PTPRD: variants seen among roughly 807,000 people sequenced by gnomAD.
The protein encoded by PTPRD is protein tyrosine phosphatase receptor type D, also known as receptor-type tyrosine-protein phosphatase delta.
Under a neutral mutation model 214.5 loss-of-function variants are expected in PTPRD, and 34 were observed. That is an observed-to-expected ratio of 0.16 (90% CI 0.12 to 0.21). PTPRD has a LOEUF of 0.21. Among genes scored for constraint, PTPRD ranks in the 10% least tolerant of loss-of-function variants. PTPRD has a pLI of 1.00. For missense variants in PTPRD, 2,545 were observed against 2,398.7 expected (o/e 1.06, Z -1.27); for synonymous variants, 1,128 against 845.7 (o/e 1.33, Z -5.79).
chr9:8,809,045 T>C (rs1260240999), intron 11 of PTPRD, among the ~76,000 whole-genome samples: 2 of 152,082 alleles, frequency 1.3e-5, no homozygotes. Flanking sequence ...CCAGTGAAAC[T>C]AACTAAGACC....
At chr9:9,178,576 G>A (rs2099926316) in intron 10 of PTPRD, among the ~76,000 whole-genome samples, 1 of 152,016 alleles carries the variant, frequency 6.6e-6, no homozygotes, top group Non-Finnish European at 1.5e-5. Flanking sequence ...CTCTGACCAT[G>A]TAAGTGTAGA....
intron 5 of PTPRD, among the ~76,000 whole-genome samples, chr9:9,820,285 T>A (rs2050248662): frequency 6.6e-6 from 1 of 152,184 alleles, no homozygotes; most frequent in African/African-American, 2.4e-5. Flanking sequence ...TCATATGTCT[T>A]CTTTTAAAAA....
At chr9:10,415,550 T>C (rs1378044259) in intron 2 of PTPRD, among the ~76,000 whole-genome samples, 7 of 151,904 alleles carry the variant, frequency 4.6e-5, no homozygotes, top group Admixed American at 1.3e-4. Flanking sequence ...TGTTCCTTTG[T>C]TTGATTAATT....
chr9:8,709,038 C>G (rs2098269959), intron 12 of PTPRD, among the ~76,000 whole-genome samples: 1 of 151,914 alleles, frequency 6.6e-6, no homozygotes, highest in Admixed American at 6.6e-5. Flanking sequence ...TATATGGGAT[C>G]TGAAAAACTG....
intron 4 of PTPRD, among the ~76,000 whole-genome samples, chr9:10,005,806 A>G (rs1471079799): frequency 2.0e-5 from 3 of 152,106 alleles, no homozygotes; most frequent in African/African-American, 7.2e-5. Context: ...ACAATCTGAA[A>G]TGCACACAAA....
At chr9:9,605,261 A>ACAC in intron 7 of PTPRD, among the ~76,000 whole-genome samples, 1 of 152,186 alleles carries the variant, frequency 6.6e-6, no homozygotes, top group South Asian at 2.1e-4. Context: ...TGTACCTAAT[A>ACAC]TGTATAAAGC....
At chr9:8,487,291 T>C (rs1031040241) in intron 27 of PTPRD, among the ~76,000 whole-genome samples, 8 of 152,220 alleles carry the variant, frequency 5.3e-5, no homozygotes, top group Non-Finnish European at 4.4e-5. Flanking sequence ...ACCTTTAAGT[T>C]AGATATGTGA....
intron 36 of PTPRD, among the ~76,000 whole-genome samples, chr9:8,391,858 A>T (rs2089692836): frequency 6.6e-6 from 1 of 152,186 alleles, no homozygotes; most frequent in Admixed American, 6.6e-5. Flanking sequence ...TCCTAAAGAC[A>T]GGGAATCAGA....
intron 5 of PTPRD, among the ~76,000 whole-genome samples, chr9:9,836,974 A>G (rs1184414855): frequency 2.0e-5 from 3 of 152,204 alleles, no homozygotes; most frequent in Non-Finnish European, 2.9e-5. Context: ...AGCCTCACCT[A>G]TGTGTGGTAT....
intron 12 of PTPRD, among the ~76,000 whole-genome samples, chr9:8,638,713 A>G (rs1056878412): frequency 3.3e-5 from 5 of 152,204 alleles, no homozygotes; most frequent in African/African-American, 4.8e-5. Flanking sequence ...CAAAAATATT[A>G]AGAAAGCAAA....
intron 4 of PTPRD, among the ~76,000 whole-genome samples, chr9:9,960,720 A>G (rs192587025): frequency 6.6e-6 from 1 of 152,316 alleles, no homozygotes; most frequent in South Asian, 2.1e-4. Context: ...AACAATAAGG[A>G]AAGTCAGAAA....
chr9:8,330,225 A>AATGAGATG (rs913607576), intron 44 of PTPRD, among the ~76,000 whole-genome samples: 1 of 152,086 alleles, frequency 6.6e-6, no homozygotes, highest in Non-Finnish European at 1.5e-5. Context: ...AACCAGTCCC[A>AATGAGATG]ATGAGATGAA....
At chr9:8,698,732 C>A (rs3817210) in intron 12 of PTPRD, among the ~76,000 whole-genome samples, 41,806 of 151,740 alleles carry the variant, frequency 0.28, 6,216 homozygotes, top group African/African-American at 0.39. Context: ...AATACTCCGG[C>A]ATAATACAGA....
intron 4 of PTPRD, among the ~76,000 whole-genome samples, chr9:9,970,358 G>T (rs757253226): frequency 7.3e-5 from 11 of 149,838 alleles, no homozygotes; most frequent in Non-Finnish European, 1.2e-4. Context: ...GCTGAGGCAG[G>T]AGAATGGCGT....
At position 9,528,518 on chromosome 9, in the gene PTPRD, A is replaced by T. The variant is rs540736270; in HGVS notation, c.-237+46214T>A. Among the ~76,000 whole-genome samples the T allele has an allele frequency of 1.1e-4, 17 of 152,332 alleles. No individual in the cohort carries two copies. The East Asian group carries it at 3.3e-3, about 29-fold the overall frequency. On this transcript the variant is annotated intron_variant, in intron 8 of 45. Coordinates refer to ENST00000381196, the MANE Select transcript of PTPRD (RefSeq NM_002839.4). ...CAATTTATGTCATTGAGTTCCCAGG[A>T]AAGGGATGGCAAAAGTAGAGAACAA...
At chr9:9,052,297 A>T (rs531277300) in intron 10 of PTPRD, among the ~76,000 whole-genome samples, 1 of 152,272 alleles carries the variant, frequency 6.6e-6, no homozygotes, top group Admixed American at 6.5e-5. Flanking sequence ...TGGGTGTTGG[A>T]ATTTCAATAT....
At chr9:8,743,042 A>G (rs7856854) in intron 11 of PTPRD, among the ~76,000 whole-genome samples, 11,059 of 146,862 alleles carry the variant, frequency 0.075, 1,090 homozygotes, top group African/African-American at 0.23. Flanking sequence ...AATGTCAGCA[A>G]TGCCAAAGGT....
intron 9 of PTPRD, among the ~76,000 whole-genome samples, chr9:9,358,738 G>A (rs192626123): frequency 4.0e-5 from 6 of 151,388 alleles, no homozygotes; most frequent in Non-Finnish European, 5.9e-5. Flanking sequence ...AAGGGCCTGC[G>A]CCTGAATCAG....
At chr9:10,092,734 A>G (rs1267791106) in intron 3 of PTPRD, among the ~76,000 whole-genome samples, 3 of 151,522 alleles carry the variant, frequency 2.0e-5, no homozygotes, top group African/African-American at 4.8e-5. Flanking sequence ...AAAACAGCAT[A>G]GTATTGGTAC....
Sources: allele counts gnomAD v4.1 joint callset (sites outside exome capture counted in the v4.1 genomes callset), GRCh38; gene constraint gnomAD v4.1.1; transcripts MANE v1.5; gene names NCBI Gene and HGNC (gene_info 2026-07-23, HGNC 2026-07-21).